Variants in RBFOX1 observed in about 807,000 individuals in gnomAD.
RBFOX1 encodes the protein RNA binding fox-1 homolog 1, also known as RNA binding protein fox-1 homolog 1.
A neutral mutation model predicts 57.7 loss-of-function variants in RBFOX1; 8 were observed. That is an observed-to-expected ratio of 0.14 (90% CI 0.08 to 0.25). The LOEUF is 0.25. Ranked by LOEUF, RBFOX1 falls within the 10% of genes least tolerant of loss-of-function variation. The pLI is 1.00. For synonymous variants in RBFOX1, 326 were observed against 222.4 expected (o/e 1.47, Z -4.15); for missense variants, 611 against 548.5 (o/e 1.11, Z -1.14).
At chr16:5,279,944 A>G (rs535915742) in intron 1 of RBFOX1, among the ~76,000 whole-genome samples, 29 of 152,276 alleles carry the variant, frequency 1.9e-4, no homozygotes, top group African/African-American at 5.8e-4. Flanking sequence ...ATCTTGTCTG[A>G]TCACTCTGGC....
At chr16:6,823,956 G>A (rs1250152387) in intron 3 of RBFOX1, among the ~76,000 whole-genome samples, 2 of 152,184 alleles carry the variant, frequency 1.3e-5, no homozygotes, top group Non-Finnish European at 2.9e-5. Context: ...GGAAGAGGTG[G>A]CATCTGGTCC....
intron 2 of RBFOX1, among the ~76,000 whole-genome samples, chr16:5,531,182 A>C (rs2044463719): frequency 6.6e-6 from 1 of 152,030 alleles, no homozygotes. Flanking sequence ...GGAAGGTGGG[A>C]TACTTTAGGG....
chr16:6,534,926 C>G (rs893449863), intron 2 of RBFOX1, among the ~76,000 whole-genome samples: 10 of 152,150 alleles, frequency 6.6e-5, no homozygotes, highest in African/African-American at 2.4e-4. Flanking sequence ...CATATGTGCG[C>G]ATTCAACATA....
intron 3 of RBFOX1, among the ~76,000 whole-genome samples, chr16:6,749,762 G>C (rs968031075): frequency 6.6e-6 from 1 of 152,178 alleles, no homozygotes; most frequent in Non-Finnish European, 1.5e-5. Context: ...AAGTTTTTCA[G>C]TGTTAACAGA....
chr16:7,193,615 C>T (rs543019033), intron 4 of RBFOX1, among the ~76,000 whole-genome samples: 42 of 152,316 alleles, frequency 2.8e-4, no homozygotes, highest in Middle Eastern at 3.4e-3. Context: ...GCAGGTACTA[C>T]ATTGTGTATT....
At chr16:7,141,994 TCTTCTTCCTCCTTCTTCTTC>T (rs2073910359) in intron 4 of RBFOX1, among the ~76,000 whole-genome samples, 1 of 71,972 alleles carries the variant, frequency 1.4e-5, no homozygotes, top group Admixed American at 2.2e-4. Flanking sequence ...ATCTTCTCCT[TCTTCTTCCTCCTTCTTCTTC>T]CTTCTTCCTT....
At chr16:6,821,478 A>G (rs768711194) in intron 3 of RBFOX1, among the ~76,000 whole-genome samples, 3 of 152,182 alleles carry the variant, frequency 2.0e-5, no homozygotes, top group East Asian at 3.8e-4. Context: ...TGCAACTACC[A>G]CCTTTATCTA....
chr16:7,094,699 A>T (rs1015964437), intron 4 of RBFOX1, among the ~76,000 whole-genome samples: 9 of 141,048 alleles, frequency 6.4e-5, no homozygotes, highest in Non-Finnish European at 1.2e-4. Flanking sequence ...GTTGGGTGGT[A>T]TGGCTAAGAT....
intron 2 of RBFOX1, among the ~76,000 whole-genome samples, chr16:6,607,440 C>T (rs561807590): frequency 1.2e-3 from 180 of 149,392 alleles, no homozygotes; most frequent in Non-Finnish European, 2.1e-3. Flanking sequence ...CTCTCTCGCT[C>T]TCTATCTCTC....
At chr16:5,569,714 A>G (rs959123258) in intron 2 of RBFOX1, among the ~76,000 whole-genome samples, 2 of 151,952 alleles carry the variant, frequency 1.3e-5, no homozygotes, top group African/African-American at 4.8e-5. Context: ...GGGAGTATTC[A>G]GTTGACGAGT....
chr16:7,030,712 T>A (rs2042570651), intron 3 of RBFOX1, among the ~76,000 whole-genome samples: 1 of 152,200 alleles, frequency 6.6e-6, no homozygotes, highest in South Asian at 2.1e-4. Context: ...AAGGCCACAT[T>A]CTGAGGTTCT....
intron 3 of RBFOX1, among the ~76,000 whole-genome samples, chr16:5,827,759 G>C (rs1032413255): frequency 6.6e-6 from 1 of 152,020 alleles, no homozygotes; most frequent in African/African-American, 2.4e-5. Flanking sequence ...CTGGATGCAC[G>C]CCACTGTGTC....
At chr16:5,794,808 A>G (rs2054821259) in intron 3 of RBFOX1, among the ~76,000 whole-genome samples, 1 of 152,226 alleles carries the variant, frequency 6.6e-6, no homozygotes, top group African/African-American at 2.4e-5. Flanking sequence ...TATTAAATCT[A>G]GGCAGAGGCT....
intron 3 of RBFOX1, among the ~76,000 whole-genome samples, chr16:6,999,160 A>G (rs1282960810): frequency 1.5e-5 from 2 of 131,722 alleles, no homozygotes; most frequent in Non-Finnish European, 3.5e-5. Context: ...TGAGCCACTG[A>G]GCCTGGCCTT....
chr16:7,532,841 C>G (rs1288463109), intron 5 of RBFOX1, among the ~76,000 whole-genome samples: 1 of 152,164 alleles, frequency 6.6e-6, no homozygotes, highest in Non-Finnish European at 1.5e-5. Context: ...CAAAATTATG[C>G]TTATTGTTTG....
chr16:5,827,553 T>C (rs1346897901), intron 3 of RBFOX1, among the ~76,000 whole-genome samples: 1 of 151,966 alleles, frequency 6.6e-6, no homozygotes, highest in Non-Finnish European at 1.5e-5. Flanking sequence ...AAGGGCCAGG[T>C]AGTAACTGTT....
intron 1 of RBFOX1, among the ~76,000 whole-genome samples, chr16:6,214,606 AGG>A (rs2097320542): frequency 9.9e-6 from 1 of 100,704 alleles, no homozygotes; most frequent in African/African-American, 4.0e-5. Context: ...AGAAGGTGAG[AGG>A]GAGAAGGAGA....
intron 3 of RBFOX1, among the ~76,000 whole-genome samples, chr16:6,804,069 T>A (rs772714772): frequency 4.6e-5 from 7 of 152,146 alleles, no homozygotes; most frequent in Non-Finnish European, 7.4e-5. Context: ...TGCAATGACA[T>A]GATCTCAGCT....
chr16:6,647,080 A>G (rs1279522469), intron 2 of RBFOX1, among the ~76,000 whole-genome samples: 1 of 152,142 alleles, frequency 6.6e-6, no homozygotes, highest in Non-Finnish European at 1.5e-5. Context: ...TCAAGGTGCC[A>G]GCAGTGTCAG....
Sources: allele counts gnomAD v4.1 joint callset (sites outside exome capture counted in the v4.1 genomes callset), GRCh38; gene constraint gnomAD v4.1.1; transcripts MANE v1.5; gene names NCBI Gene and HGNC (gene_info 2026-07-23, HGNC 2026-07-21).